TBC1D32: variants seen among roughly 807,000 people sequenced by gnomAD.
TBC1D32 encodes the protein TBC1 domain family member 32.
A neutral mutation model predicts 170.3 loss-of-function variants in TBC1D32; 151 were observed. The ratio of observed to expected loss-of-function variants is 0.89; its 90% CI spans 0.78 to 1.01. The LOEUF is 1.01. Ranked by LOEUF, TBC1D32 falls within the 50% of genes least tolerant of loss-of-function variation. The pLI is 0.00. For synonymous variants in TBC1D32, 498 were observed against 488.0 expected (o/e 1.02, Z -0.27); for missense variants, 1,464 against 1,457.1 (o/e 1.00, Z -0.08).
At chr6:121,275,695 G>C (rs1344145882) in intron 15 of TBC1D32, among the ~76,000 whole-genome samples, 1 of 152,080 alleles carries the variant, frequency 6.6e-6, no homozygotes, top group Admixed American at 6.6e-5. Context: ...AAAGTAATCT[G>C]GCAGGATCTA....
intron 24 of TBC1D32, among the ~76,000 whole-genome samples, chr6:121,142,345 G>A (rs2128226646): frequency 6.6e-6 from 1 of 152,268 alleles, no homozygotes; most frequent in Non-Finnish European, 1.5e-5. Context: ...ATGTTCTATT[G>A]GTCTCATTAG....
At position 121,329,535 on chromosome 6, in the gene TBC1D32, T is replaced by C. The variant is rs569621072; in HGVS notation, c.155+4741A>G. Among the ~76,000 whole-genome samples, 346 of 152,032 alleles carry C rather than the reference T, an allele frequency of 2.3e-3. 1 individual carries two copies. Among genetic ancestry groups the C allele is most frequent in the African/African-American group, 8.1e-3 (334 of 41,476 alleles). ...GGCGTGGTGGCAAACACCTGTAATC[T>C]TAGCTACTTGGGAGGCTGAGGCAAG... On this transcript the variant is annotated intron_variant, in intron 1 of 31. Transcript: ENST00000398212.
At chr6:121,193,121 G>A (rs1790290650) in intron 22 of TBC1D32, among the ~76,000 whole-genome samples, 1 of 152,174 alleles carries the variant, frequency 6.6e-6, no homozygotes, top group African/African-American at 2.4e-5. Flanking sequence ...TTAAGGGTAT[G>A]GGAAAATGGT....
At chr6:121,191,218 A>G (rs1172897185) in intron 22 of TBC1D32, among the ~76,000 whole-genome samples, 1 of 152,194 alleles carries the variant, frequency 6.6e-6, no homozygotes, top group Non-Finnish European at 1.5e-5. Context: ...CCATGTGCAC[A>G]CATATGTATC....
rs184695858 is a variant in TBC1D32, at chr6:121,201,191, G to A, written c.2570+3884C>T. ...TAGCACAGTCTGTAGCTCAGAATAC[G>A]TATTCAATAAATACTGGTTGAGTAA... On this transcript the variant is annotated intron_variant, in intron 22 of 31. Transcript: ENST00000398212. 5.9e-5 allele frequency among the ~76,000 whole-genome samples: 9 copies of A among 151,274 alleles called. No homozygotes were observed. The East Asian group carries it at 7.8e-4, about 13-fold the overall frequency.
At chr6:121,280,961 TAG>T (rs1488870969) in intron 14 of TBC1D32, among the ~76,000 whole-genome samples, 2 of 151,874 alleles carry the variant, frequency 1.3e-5, no homozygotes, top group African/African-American at 4.8e-5. Context: ...ACACCCAAAC[TAG>T]TGACAATAGC....
At chr6:121,087,963 T>C (rs899392339) in intron 31 of TBC1D32, among the ~76,000 whole-genome samples, 3 of 151,814 alleles carry the variant, frequency 2.0e-5, no homozygotes, top group African/African-American at 7.3e-5. Flanking sequence ...TTTTTTTTTT[T>C]TTTTTGAGAC....
At chr6:121,312,153 T>C (rs1583700864) in intron 3 of TBC1D32, among the ~76,000 whole-genome samples, 1 of 152,068 alleles carries the variant, frequency 6.6e-6, no homozygotes, top group South Asian at 2.1e-4. Context: ...TGAGAACACA[T>C]GGACACAGAG....
At chr6:121,228,928 T>C (rs913487826) in intron 20 of TBC1D32, among the ~76,000 whole-genome samples, 3 of 152,164 alleles carry the variant, frequency 2.0e-5, no homozygotes, top group Non-Finnish European at 4.4e-5. Context: ...AGGATCATAC[T>C]GATTTATGAT....
chr6:121,134,020 T>C (rs1464730041), intron 24 of TBC1D32, among the ~76,000 whole-genome samples: 5 of 152,112 alleles, frequency 3.3e-5, no homozygotes, highest in Admixed American at 6.6e-5. Flanking sequence ...TAAATGTATC[T>C]TGACAAGAAT....
In TBC1D32 at chr6:121,239,005, T is replaced by C. The variant is rs994984411; in HGVS notation, c.2364+65A>G. Reference sequence around the variant, plus strand: ...GTTGTAACTGAATATGGATAAAGTATGAACGAATTCATTTCTGTGAAATAC... The same window carrying C: ...GTTGTAACTGAATATGGATAAAGTACGAACGAATTCATTTCTGTGAAATAC... On this transcript the variant is annotated intron_variant, in intron 20 of 31. Transcript: ENST00000398212. The C allele has an allele frequency of 4.7e-6, 4 of 845,692 alleles. No individual in the cohort carries two copies. The African/African-American group carries it at 4.9e-5, about 10-fold the overall frequency. The allele number at this position is 845,692 out of a possible 1,614,324, so 52.4% of individuals were successfully genotyped here.
At chr6:121,327,606 C>T (rs1338782037) in intron 1 of TBC1D32, among the ~76,000 whole-genome samples, 4 of 152,150 alleles carry the variant, frequency 2.6e-5, no homozygotes, top group Non-Finnish European at 4.4e-5. Context: ...TAAAGGAAAG[C>T]AAGCCATGTA....
intron 12 of TBC1D32, among the ~76,000 whole-genome samples, chr6:121,288,233 C>G (rs944360025): frequency 2.6e-5 from 4 of 151,770 alleles, no homozygotes; most frequent in African/African-American, 9.7e-5. Flanking sequence ...TTGAAAAGAT[C>G]AACAAAATTG....
intron 21 of TBC1D32, among the ~76,000 whole-genome samples, chr6:121,220,073 G>C (rs536257624): frequency 1.3e-5 from 2 of 152,070 alleles, no homozygotes; most frequent in Non-Finnish European, 2.9e-5. Context: ...ACAATATTAA[G>C]ATTAGCGCAA....
chr6:121,193,341 C>T (rs954094708), intron 22 of TBC1D32, among the ~76,000 whole-genome samples: 5 of 152,172 alleles, frequency 3.3e-5, no homozygotes, highest in Admixed American at 1.3e-4. Context: ...GGGGATCCAA[C>T]ATCTTAGGGA....
intron 22 of TBC1D32, among the ~76,000 whole-genome samples, chr6:121,195,084 T>A (rs1790555926): frequency 6.6e-6 from 1 of 152,180 alleles, no homozygotes; most frequent in Non-Finnish European, 1.5e-5. Flanking sequence ...TGGGCCTATT[T>A]GGATTTCGGA....
chr6:121,298,237 T>G (rs1031166441), intron 10 of TBC1D32, among the ~76,000 whole-genome samples: 3 of 152,086 alleles, frequency 2.0e-5, no homozygotes, highest in African/African-American at 7.2e-5. Flanking sequence ...TCAAACAAGT[T>G]TGACATACTA....
chr6:121,266,843 T>C (rs1050960177), intron 15 of TBC1D32, among the ~76,000 whole-genome samples: 3 of 151,398 alleles, frequency 2.0e-5, no homozygotes, highest in African/African-American at 4.9e-5. Context: ...TTCTCACTCA[T>C]AAGTGGGAGA....
intron 9 of TBC1D32, among the ~76,000 whole-genome samples, chr6:121,299,832 T>C (rs929833996): frequency 2.0e-5 from 3 of 152,074 alleles, no homozygotes; most frequent in African/African-American, 4.8e-5. Context: ...CAAAAAAAGA[T>C]ACATAGTGGG....
Sources: gnomAD v4.1 joint callset for allele counts (sites outside exome capture counted in the v4.1 genomes callset) on GRCh38, gnomAD v4.1.1 for gene constraint, MANE v1.5 for transcripts, NCBI Gene and HGNC (gene_info 2026-07-23, HGNC 2026-07-21) for gene names.